NEXMIF: variants seen among roughly 807,000 people sequenced by gnomAD.
NEXMIF encodes neurite extension and migration factor.
In NEXMIF, 8 loss-of-function variants were observed where a neutral mutation model predicts 62.1. That is an observed-to-expected ratio of 0.13 (90% CI 0.08 to 0.23). NEXMIF has a LOEUF of 0.23. NEXMIF is among the 10% of genes least tolerant of loss of function. NEXMIF has a pLI of 1.00. For missense variants in NEXMIF, 976 were observed against 1,113.3 expected, an observed-to-expected ratio of 0.88 and a Z score of 1.75; for synonymous variants, 404 against 416.6, an observed-to-expected ratio of 0.97 and a Z score of 0.37.
At position 74,798,335 on chromosome X, in the gene NEXMIF, A is replaced by G. The variant is rs193166114; in HGVS notation, c.-47-52638T>C. 1.2e-4 allele frequency among the ~76,000 whole-genome samples: 14 copies of G among 112,410 alleles called. 1 individual carries two copies. In the East Asian group the frequency reaches 2.5e-3, roughly 20 times the overall value. On this transcript the variant is annotated intron_variant, in intron 1 of 3. Transcript: ENST00000055682. ...GACTATCACTGCAACCACCACACTT[A>G]GCTGTGCTTAAACCCAATAGCTGCT... is the stretch of plus-strand genomic sequence containing the variant.
intron 1 of NEXMIF, among the ~76,000 whole-genome samples, chrX:74,861,387 A>T (rs2080557007): frequency 8.9e-6 from 1 of 112,011 alleles, no homozygotes; most frequent in Non-Finnish European, 1.9e-5. Flanking sequence ...CCTGAAAGAG[A>T]CAGAGACAGA....
intron 1 of NEXMIF, among the ~76,000 whole-genome samples, chrX:74,837,766 C>A (rs775558919): frequency 9.0e-6 from 1 of 111,656 alleles, no homozygotes; most frequent in East Asian, 2.8e-4. Context: ...AAGGGTCAGG[C>A]TATCAGAAAG....
chrX:74,775,441 T>C (rs1189098585), intron 1 of NEXMIF, among the ~76,000 whole-genome samples: 2 of 111,769 alleles, frequency 1.8e-5, no homozygotes, highest in African/African-American at 6.5e-5. Flanking sequence ...AGAACCCCTA[T>C]GGAGACTATC....
intron 1 of NEXMIF, among the ~76,000 whole-genome samples, chrX:74,796,126 T>TATATATAATATATATATTATATATATAC (rs1569345064): frequency 1.3e-5 from 1 of 75,368 alleles, no homozygotes; most frequent in East Asian, 3.8e-4. Context: ...TATATATATT[T>TATATATAATATATATATTATATATATAC]ATATATAATA....
chrX:74,819,691 A>T (rs1176493732), intron 1 of NEXMIF, among the ~76,000 whole-genome samples: 1 of 111,935 alleles, frequency 8.9e-6, no homozygotes, highest in East Asian at 2.8e-4. Context: ...GAAAGAACAG[A>T]TGCTGGAGAG....
chrX:74,859,082 G>A (rs903589942), intron 1 of NEXMIF, among the ~76,000 whole-genome samples: 1 of 111,025 alleles, frequency 9.0e-6, no homozygotes, highest in African/African-American at 3.3e-5. Context: ...AGAGAAAGAG[G>A]TGAGGTAGAA....
At chrX:74,863,314 A>T (rs770877891) in intron 1 of NEXMIF, among the ~76,000 whole-genome samples, 5 of 111,391 alleles carry the variant, frequency 4.5e-5, no homozygotes, top group African/African-American at 1.6e-4. Flanking sequence ...AGACACAAAA[A>T]ACTGTTCAAA....
chrX:74,752,329 C>A (rs932329228), intron 1 of NEXMIF, among the ~76,000 whole-genome samples: 1 of 110,675 alleles, frequency 9.0e-6, no homozygotes, highest in African/African-American at 3.3e-5. Flanking sequence ...GGCGACAGGG[C>A]TCCGTATGTA....
At chrX:74,898,316 C>T (rs1235209449) in intron 1 of NEXMIF, among the ~76,000 whole-genome samples, 1 of 111,583 alleles carries the variant, frequency 9.0e-6, no homozygotes, top group African/African-American at 3.3e-5. Flanking sequence ...CCAGTCTAAT[C>T]ATGAGAAAAA....
intron 1 of NEXMIF, among the ~76,000 whole-genome samples, chrX:74,908,262 C>T (rs1332756839): frequency 1.8e-5 from 2 of 111,975 alleles, no homozygotes; most frequent in Admixed American, 9.5e-5. Context: ...TCTGAGAGTG[C>T]TCTTGTCTAG....
intron 1 of NEXMIF, among the ~76,000 whole-genome samples, chrX:74,854,720 A>G (rs188350807): frequency 2.2e-4 from 25 of 112,421 alleles, no homozygotes; most frequent in African/African-American, 8.1e-4. Context: ...TACAGAACAC[A>G]AAATCAACAC....
intron 1 of NEXMIF, among the ~76,000 whole-genome samples, chrX:74,834,392 A>T (rs1356153808): frequency 9.0e-6 from 1 of 111,268 alleles, no homozygotes; most frequent in Non-Finnish European, 1.9e-5. Flanking sequence ...ACTTATTATT[A>T]CCAGTGAGTT....
In NEXMIF at chrX:74,736,587, G is replaced by C. The variant is rs2080085662; in HGVS notation, c.*2818C>G. The C allele has an allele frequency of 9.0e-6, 1 of 111,465 alleles. No homozygotes were observed. Among genetic ancestry groups the C allele is most frequent in the Non-Finnish European group, 1.9e-5 (1 of 52,980 alleles). 9.2% of individuals were successfully genotyped at this position (111,465 alleles called of 1,213,427 possible). On this transcript the variant is annotated 3_prime_UTR_variant, in exon 4 of 4. Transcript: ENST00000055682. The stretch of plus-strand genomic sequence containing the variant: ...CTACTAAGGCAGCTGGTTATGACAG[G>C]AAGAAAAAGAACTGTGAGAGCAGAG...
intron 1 of NEXMIF, among the ~76,000 whole-genome samples, chrX:74,780,446 G>A (rs1314985873): frequency 9.3e-6 from 1 of 107,474 alleles, no homozygotes; most frequent in Non-Finnish European, 1.9e-5. Flanking sequence ...GCATGAATAT[G>A]GCTCACTGGG....
At chrX:74,856,757 A>G (rs1011042191) in intron 1 of NEXMIF, among the ~76,000 whole-genome samples, 2 of 111,956 alleles carry the variant, frequency 1.8e-5, no homozygotes, top group Admixed American at 9.5e-5. Flanking sequence ...AAGAGGCACT[A>G]AACAGGGTAG....
intron 1 of NEXMIF, among the ~76,000 whole-genome samples, chrX:74,835,831 T>G (rs1347215908): frequency 8.9e-6 from 1 of 111,781 alleles, no homozygotes; most frequent in East Asian, 2.8e-4. Flanking sequence ...GTCAGACTGT[T>G]TGGTGTCCTT....
intron 1 of NEXMIF, among the ~76,000 whole-genome samples, chrX:74,788,701 AC>A (rs1569343082): frequency 9.0e-6 from 1 of 111,564 alleles, no homozygotes; most frequent in African/African-American, 3.3e-5. Flanking sequence ...CCAACATGAA[AC>A]CCAAGCCTAA....
In NEXMIF at chrX:74,742,964, T is replaced by A. The variant is rs2080112437; in HGVS notation, c.1593A>T (p.Val531=). 1.7e-6 allele frequency: 2 copies of A among 1,209,441 alleles called. No individual in the cohort carries two copies. The highest frequency in any genetic ancestry group is 3.5e-5 in the African/African-American group (2 of 57,118). Residue 531 remains valine, a synonymous_variant, in exon 3 of 4, where the codon GTA becomes GTT. Transcript: ENST00000055682. ...DEWCPKKRRK[V]TRKEPPVIIK... is the part of the protein sequence containing the mutation. The stretch of plus-strand genomic sequence containing the variant: ...TAATAACAGGGGGCTCCTTACGGGT[T>A]ACTTTTCTTCTCTTTTTGGGACACC...
chrX:74,883,311 G>A (rs763893307), intron 1 of NEXMIF, among the ~76,000 whole-genome samples: 2 of 111,873 alleles, frequency 1.8e-5, no homozygotes, highest in East Asian at 2.8e-4. Context: ...ACTTTGACGA[G>A]TTGAGAGAGG....
Sources: gnomAD v4.1 joint callset for allele counts (sites outside exome capture counted in the v4.1 genomes callset) on GRCh38, gnomAD v4.1.1 for gene constraint, MANE v1.5 for transcripts, NCBI Gene and HGNC (gene_info 2026-07-23, HGNC 2026-07-21) for gene names.